The following BMPR1B variants were observed in gnomAD, a reference collection of about 807,000 sequenced individuals.
BMPR1B encodes the protein bone morphogenetic protein receptor type-1B.
BMPR1B carries 12 observed loss-of-function variants against 59.1 expected under a neutral mutation model. The observed-to-expected ratio is 0.20, with a 90% CI of 0.13 to 0.33. The LOEUF (loss-of-function observed/expected upper bound fraction) is 0.33, where lower values mean the gene tolerates loss of function less well. BMPR1B is among the 10% of genes least tolerant of loss of function. The probability of loss-of-function intolerance (pLI) is 1.00; values close to 1 mark genes in which losing one functional copy is unlikely to be tolerated. For synonymous variants in BMPR1B, 237 were observed against 207.3 expected (o/e 1.14, Z -1.23); for missense variants, 550 against 610.9 (o/e 0.90, Z 1.05).
Position 95,096,442 on chromosome 4 carries a change from A to T in BMPR1B, c.-17-7966A>T, listed in dbSNP as rs188031043. On this transcript the variant is annotated intron_variant, in intron 3 of 12. Coordinates refer to ENST00000515059, the MANE Select transcript of BMPR1B (RefSeq NM_001203.3). ...GAAATTTGATTGATTTGCCTGAAAAATCTGTAAATCTATTTCTAAAGAAAT... is the reference window on the plus strand; with the variant it reads ...GAAATTTGATTGATTTGCCTGAAAATTCTGTAAATCTATTTCTAAAGAAAT... Among the ~76,000 whole-genome samples the T allele has an allele frequency of 2.6e-5, 4 of 151,454 alleles. No homozygotes were observed. In the East Asian group the frequency reaches 7.7e-4, roughly 29 times the overall value.
In BMPR1B at chr4:94,990,189, C is replaced by G. The variant is rs142610719; in HGVS notation, c.-112-5851C>G. 1.7e-3 allele frequency among the ~76,000 whole-genome samples: 258 copies of G among 152,208 alleles called. 2 individuals carry two copies. The highest frequency in any genetic ancestry group is 5.8e-3 in the African/African-American group (240 of 41,548). On this transcript the variant is annotated intron_variant, in intron 2 of 12. Coordinates refer to ENST00000515059, the MANE Select transcript of BMPR1B (RefSeq NM_001203.3). ...TGGCCAATATGGTGAAACCTCATCT[C>G]TACTAAAAATGTGAAAATTAGCCAG... is the stretch of plus-strand genomic sequence containing the variant.
intron 1 of BMPR1B, among the ~76,000 whole-genome samples, chr4:94,863,931 A>G (rs948449476): frequency 1.3e-5 from 2 of 152,230 alleles, no homozygotes; most frequent in African/African-American, 4.8e-5. Flanking sequence ...AAATGACTAC[A>G]CAATAATGTG....
intron 2 of BMPR1B, among the ~76,000 whole-genome samples, chr4:94,993,077 G>A (rs1721847988): frequency 6.6e-6 from 1 of 152,050 alleles, no homozygotes; most frequent in Admixed American, 6.6e-5. Context: ...TTTTTGTAGA[G>A]ACAAGGTCTT....
chr4:94,840,741 C>G (rs140890535), intron 1 of BMPR1B, among the ~76,000 whole-genome samples: 32,624 of 147,008 alleles, frequency 0.22, 5,178 homozygotes, highest in African/African-American at 0.26. Flanking sequence ...ATTTGATCGT[C>G]TGAAGCCTTC....
chr4:94,897,304 A>T (rs538013650), intron 2 of BMPR1B, among the ~76,000 whole-genome samples: 2 of 152,194 alleles, frequency 1.3e-5, no homozygotes, highest in South Asian at 4.1e-4. Flanking sequence ...AATGTAAATA[A>T]GCGATAGTGT....
At chr4:94,794,968 G>A (rs1309038033) in intron 1 of BMPR1B, among the ~76,000 whole-genome samples, 1 of 147,148 alleles carries the variant, frequency 6.8e-6, no homozygotes, top group African/African-American at 2.6e-5. Context: ...TCTGCAAAGA[G>A]GGACAATTTG....
chr4:95,091,835 G>A (rs1411751808), intron 3 of BMPR1B, among the ~76,000 whole-genome samples: 4 of 151,934 alleles, frequency 2.6e-5, no homozygotes, highest in East Asian at 3.8e-4. Context: ...CCATGTAGCC[G>A]AACTCTTCTG....
intron 3 of BMPR1B, among the ~76,000 whole-genome samples, chr4:95,084,183 A>G (rs1006261491): frequency 4.1e-4 from 62 of 151,664 alleles, no homozygotes; most frequent in African/African-American, 1.5e-3. Context: ...TCATACATAT[A>G]TCTAACTTAT....
chr4:95,070,666 A>G (rs1027738864), intron 3 of BMPR1B, among the ~76,000 whole-genome samples: 1 of 152,152 alleles, frequency 6.6e-6, no homozygotes, highest in East Asian at 1.9e-4. Context: ...GTGGCCTTAC[A>G]AAAAAACAAA....
intron 8 of BMPR1B, 75 bp from the exon 9 acceptor site, chr4:95,129,782 GTTTCT>G (rs1553941869): frequency 8.5e-6 from 12 of 1,418,644 alleles, no homozygotes; most frequent in Middle Eastern, 1.8e-4. Context: ...TGCAGTAATC[GTTTCT>G]TCTCTGGAGA....
At chr4:94,884,412 G>A (rs1727092218) in intron 2 of BMPR1B, among the ~76,000 whole-genome samples, 1 of 152,106 alleles carries the variant, frequency 6.6e-6, no homozygotes. Context: ...TGTAATTCCA[G>A]CTGCTTGGGA....
At chr4:95,095,832 G>A (rs1384710928) in intron 3 of BMPR1B, among the ~76,000 whole-genome samples, 1 of 151,606 alleles carries the variant, frequency 6.6e-6, no homozygotes, top group Non-Finnish European at 1.5e-5. Flanking sequence ...ATACCCTTTT[G>A]ACTATGACAT....
chr4:95,117,621 A>G (rs967256028), intron 6 of BMPR1B, among the ~76,000 whole-genome samples: 2 of 152,052 alleles, frequency 1.3e-5, no homozygotes, highest in African/African-American at 2.4e-5. Context: ...CATCTCTAAA[A>G]AAAAAAAAAT....
chr4:95,017,731 G>A (rs1196734133), intron 3 of BMPR1B, among the ~76,000 whole-genome samples: 1 of 152,110 alleles, frequency 6.6e-6, no homozygotes, highest in Non-Finnish European at 1.5e-5. Context: ...ATTTTTCAAT[G>A]TGTATACTGT....
chr4:94,819,625 G>A (rs12503136), intron 1 of BMPR1B, among the ~76,000 whole-genome samples: 59,894 of 151,976 alleles, frequency 0.39, 12,227 homozygotes, highest in African/African-American at 0.51. Context: ...CCTTCTCCCC[G>A]AGGACCTAGA....
chr4:95,152,527 G>C, intron 11 of BMPR1B, 116 bp from the exon 12 acceptor site: 1 of 868,982 alleles, frequency 1.2e-6, no homozygotes, highest in Non-Finnish European at 1.6e-6. Context: ...CTATTTTTCT[G>C]CCTGAACTTG....
At chr4:94,909,711 G>C (rs935272724) in intron 2 of BMPR1B, among the ~76,000 whole-genome samples, 2 of 151,850 alleles carry the variant, frequency 1.3e-5, no homozygotes, top group African/African-American at 4.8e-5. Flanking sequence ...ATAATTATTT[G>C]TGAGAAGTTA....
intron 2 of BMPR1B, among the ~76,000 whole-genome samples, chr4:94,966,549 A>T (rs1245940819): frequency 2.0e-5 from 3 of 152,174 alleles, no homozygotes; most frequent in Non-Finnish European, 4.4e-5. Flanking sequence ...AAAAATGCAG[A>T]TTTAAAAATT....
chr4:95,028,289 A>G (rs1300997556), intron 3 of BMPR1B, among the ~76,000 whole-genome samples: 2 of 152,222 alleles, frequency 1.3e-5, no homozygotes, highest in African/African-American at 2.4e-5. Context: ...GAATTTAATT[A>G]GTTTCCAAAA....
Sources: allele counts gnomAD v4.1 joint callset (sites outside exome capture counted in the v4.1 genomes callset), GRCh38; gene constraint gnomAD v4.1.1; transcripts MANE v1.5; gene names NCBI Gene and HGNC (gene_info 2026-07-23, HGNC 2026-07-21).